Variants in PDGFD observed in about 807,000 individuals in gnomAD.
PDGFD encodes platelet-derived growth factor D.
PDGFD carries 30 observed loss-of-function variants against 44.7 expected under a neutral mutation model. That is an observed-to-expected ratio of 0.67 (90% CI 0.50 to 0.91). PDGFD has a LOEUF of 0.91. PDGFD is among the 40% of genes least tolerant of loss of function. The pLI is 0.00. For missense variants in PDGFD, 445 were observed against 457.8 expected (o/e 0.97, Z 0.25); for synonymous variants, 173 against 168.4 (o/e 1.03, Z -0.21).
At chr11:103,927,686 T>C (rs956769482) in intron 5 of PDGFD, among the ~76,000 whole-genome samples, 1 of 152,218 alleles carries the variant, frequency 6.6e-6, no homozygotes, top group Non-Finnish European at 1.5e-5. Flanking sequence ...ATGATTTTTT[T>C]GTGTGTGAAT....
intron 1 of PDGFD, among the ~76,000 whole-genome samples, chr11:104,130,285 T>G (rs1861902286): frequency 6.6e-6 from 1 of 152,060 alleles, no homozygotes; most frequent in African/African-American, 2.4e-5. Flanking sequence ...AACCACAGTT[T>G]CTTGTGAGAT....
intron 1 of PDGFD, among the ~76,000 whole-genome samples, chr11:104,145,744 A>G (rs545172623): frequency 3.9e-5 from 6 of 152,300 alleles, no homozygotes; most frequent in Admixed American, 1.3e-4. Context: ...GTATCTGTTG[A>G]AGTCCTGACC....
intron 3 of PDGFD, among the ~76,000 whole-genome samples, chr11:103,950,202 C>A (rs1858730518): frequency 6.6e-6 from 1 of 151,942 alleles, no homozygotes. Flanking sequence ...GTTTTAAAAT[C>A]TTGGAACTGG....
intron 1 of PDGFD, among the ~76,000 whole-genome samples, chr11:104,054,132 A>G (rs1203902120): frequency 1.3e-5 from 2 of 152,272 alleles, no homozygotes; most frequent in African/African-American, 4.8e-5. Context: ...AAACACTGGC[A>G]TAACTGGATT....
At chr11:104,047,298 T>G (rs1438440198) in intron 1 of PDGFD, among the ~76,000 whole-genome samples, 2 of 147,400 alleles carry the variant, frequency 1.4e-5, no homozygotes, top group East Asian at 3.9e-4. Context: ...TGGTTCTAGA[T>G]CCTTGAAGAA....
chr11:104,008,368 T>A (rs111930169), intron 1 of PDGFD, among the ~76,000 whole-genome samples: 165 of 152,316 alleles, frequency 1.1e-3, no homozygotes, highest in African/African-American at 3.8e-3. Flanking sequence ...TAACTATATG[T>A]AACATTTTAT....
At chr11:104,038,112 T>A in intron 1 of PDGFD, 1 of 1,247,574 alleles carries the variant, frequency 8.0e-7, no homozygotes, top group Non-Finnish European at 1.1e-6. Context: ...AAAACATCAG[T>A]AACAACTAAA....
Position 103,927,110 on chromosome 11 carries a change from G to A in PDGFD, c.789C>T (p.Leu263=), listed in dbSNP as rs745875031. The A allele has an allele frequency of 3.1e-6, 5 of 1,613,930 alleles. No homozygotes were observed. Among genetic ancestry groups the A allele is most frequent in the Non-Finnish European group, 4.2e-6 (5 of 1,179,986 alleles). Residue 263 remains leucine (L), a synonymous_variant, in exon 6 of 7, where the codon CTC becomes CTT. Transcript: ENST00000393158. ...DRKSKVDLDR[L]NDDAKRYSCT... ...AACTGTAACGCTTGGCATCATCATT[G>A]AGCCTATCCAGGTCAACTGTAAGCA...
intron 1 of PDGFD, among the ~76,000 whole-genome samples, chr11:104,119,190 GATATAAT>G (rs1227877843): frequency 4.1e-4 from 2 of 4,860 alleles, no homozygotes; most frequent in Admixed American, 8.8e-3. Context: ...ATAATATATT[GATATAAT>G]ATATAATATA....
intron 3 of PDGFD, among the ~76,000 whole-genome samples, chr11:103,969,673 T>A (rs1859075351): frequency 6.6e-6 from 1 of 151,942 alleles, no homozygotes; most frequent in Non-Finnish European, 1.5e-5. Flanking sequence ...GATATTGCAA[T>A]GATTTTCATG....
intron 1 of PDGFD, among the ~76,000 whole-genome samples, chr11:104,162,851 A>G (rs955293507): frequency 2.6e-5 from 4 of 152,190 alleles, no homozygotes; most frequent in African/African-American, 9.7e-5. Context: ...AGCAAGCAGG[A>G]GAGAAAGATA....
chr11:104,050,220 G>A lies in PDGFD; in HGVS notation c.125-49965C>T, dbSNP rs117566352. On this transcript the variant is annotated intron_variant, in intron 1 of 6. Coordinates refer to ENST00000393158, the MANE Select transcript of PDGFD (RefSeq NM_025208.5). ...AGGAAGAGTTCATTACTTGTAATAGGAAGGAAGACAGCGCACGTGGGTGTA... is the reference window on the plus strand; with the variant it reads ...AGGAAGAGTTCATTACTTGTAATAGAAAGGAAGACAGCGCACGTGGGTGTA... 2.0e-3 allele frequency among the ~76,000 whole-genome samples: 305 copies of A among 152,266 alleles called. 12 individuals carry two copies. In the East Asian group the frequency reaches 0.047, roughly 23 times the overall value.
At chr11:103,948,605 T>C (rs1471936) in intron 3 of PDGFD, among the ~76,000 whole-genome samples, 84,627 of 151,986 alleles carry the variant, frequency 0.56, 25,541 homozygotes, top group African/African-American at 0.81. Flanking sequence ...TAGCAAATAT[T>C]TTCCAGCCTT....
chr11:104,045,939 G>A (rs1860435258), intron 1 of PDGFD, among the ~76,000 whole-genome samples: 1 of 146,680 alleles, frequency 6.8e-6, no homozygotes, highest in African/African-American at 2.5e-5. Context: ...GAGGGCTAGT[G>A]ATTCTATGAT....
At chr11:104,141,199 C>T (rs1003072671) in intron 1 of PDGFD, among the ~76,000 whole-genome samples, 2 of 152,182 alleles carry the variant, frequency 1.3e-5, no homozygotes, top group Non-Finnish European at 2.9e-5. Flanking sequence ...CTGTAATATA[C>T]TCCCCAGATT....
At position 104,078,607 on chromosome 11, in the gene PDGFD, T is replaced by A. The variant is rs868101280; in HGVS notation, c.125-78352A>T. The stretch of plus-strand genomic sequence containing the variant: ...AATTTATTATGTGTTTCATGTGATT[T>A]AGTTCCTTAACCTGAAAAATCCAAT... On this transcript the variant is annotated intron_variant, in intron 1 of 6. Coordinates refer to ENST00000393158, the MANE Select transcript of PDGFD (RefSeq NM_025208.5). Among the ~76,000 whole-genome samples, 133 of 54,448 alleles carry A rather than the reference T, an allele frequency of 2.4e-3. 1 individual carries two copies. Among genetic ancestry groups the A allele is most frequent in the African/African-American group, 0.021 (121 of 5,726 alleles). 35.7% of individuals were successfully genotyped at this position (54,448 alleles called of 152,430 possible).
intron 1 of PDGFD, among the ~76,000 whole-genome samples, chr11:104,051,483 C>T (rs184315999): frequency 0.018 from 2,729 of 152,054 alleles, 47 homozygotes; most frequent in African/African-American, 0.042. Context: ...GATTCCACTA[C>T]GGGGGTCATA....
At chr11:103,951,706 C>T (rs938031935) in intron 3 of PDGFD, among the ~76,000 whole-genome samples, 8 of 152,164 alleles carry the variant, frequency 5.3e-5, no homozygotes, top group Admixed American at 1.3e-4. Flanking sequence ...TTTCCCCAAA[C>T]GCTCCAATGG....
At chr11:104,035,561 C>CTTTTTTTT (rs3050598) in intron 1 of PDGFD, among the ~76,000 whole-genome samples, 29 of 115,240 alleles carry the variant, frequency 2.5e-4, no homozygotes, top group South Asian at 5.9e-4. Flanking sequence ...ACTTCTTTTT[C>CTTTTTTTT]TTTTTTTTTT....
Sources: allele counts gnomAD v4.1 joint callset (sites outside exome capture counted in the v4.1 genomes callset), GRCh38; gene constraint gnomAD v4.1.1; transcripts MANE v1.5; gene names NCBI Gene and HGNC (gene_info 2026-07-23, HGNC 2026-07-21).